AIFM3: variants seen among roughly 807,000 people sequenced by gnomAD.
AIFM3 encodes AIF family member 3, also known as apoptosis-inducing factor 3.
A neutral mutation model predicts 82.7 loss-of-function variants in AIFM3; 71 were observed. The observed-to-expected ratio is 0.86, with a 90% CI of 0.71 to 1.05. The LOEUF is 1.05. Among genes scored for constraint, AIFM3 ranks in the 50% least tolerant of loss-of-function variants. The probability of loss-of-function intolerance (pLI) is 0.00; values close to 1 mark genes in which losing one functional copy is unlikely to be tolerated. For missense variants in AIFM3, 748 were observed against 816.7 expected (o/e 0.92, Z 1.03); for synonymous variants, 337 against 329.1 (o/e 1.02, Z -0.26).
rs752414779 is a variant in AIFM3 at position 20,976,612 on chromosome 22, G to T, written c.1031-39G>T. ...TCCCAGGGAAGTTCTGGTCGAGGAA[G>T]GTGCAGGTGCCAGCCTGCCACCCCC... On this transcript the variant is annotated intron_variant, in intron 11 of 20. Transcript: ENST00000440238. 4 of 1,612,738 alleles carry T rather than the reference G, an allele frequency of 2.5e-6. No homozygotes were observed. The South Asian group carries it at 4.4e-5, about 18-fold the overall frequency.
chr22:20,975,231 T>G lies in AIFM3; in HGVS notation c.720+415T>G, dbSNP rs186928291. 5.4e-4 allele frequency among the ~76,000 whole-genome samples: 82 copies of G among 151,908 alleles called. No individual in the cohort carries two copies. In the East Asian group the frequency reaches 0.016, roughly 29 times the overall value. Reference sequence around the variant, plus strand: ...ATCCGCCCACCTCAGCCTCCCAAGGTGCTAGGATTACAGGTGTGAGCCACT... The same window carrying G: ...ATCCGCCCACCTCAGCCTCCCAAGGGGCTAGGATTACAGGTGTGAGCCACT... On this transcript the variant is annotated intron_variant, in intron 8 of 20. Coordinates refer to ENST00000440238, the MANE Select transcript of AIFM3 (RefSeq NM_001386814.1).
intron 15 of AIFM3, 45 bp downstream of exon 15, chr22:20,977,821 G>A: frequency 6.2e-7 from 1 of 1,614,032 alleles, no homozygotes; most frequent in Non-Finnish European, 8.5e-7. Flanking sequence ...TGCTGGGCTG[G>A]GAGTGGCAGG....
Position 20,973,925 on chromosome 22 carries a change from T to C in AIFM3, c.355+58T>C, listed in dbSNP as rs1051394043. On this transcript the variant is annotated intron_variant, in intron 4 of 20. Transcript: ENST00000440238. The stretch of plus-strand genomic sequence containing the variant: ...CTTCCAGGCCCCATGCCAGCTTGGC[T>C]CCTCCCCAGACCCCAGGATCTTCAT... 1.9e-5 allele frequency: 28 copies of C among 1,477,646 alleles called. No homozygotes were observed. In the Admixed American group the frequency reaches 6.3e-4, roughly 33 times the overall value. The allele number at this position is 1,477,646 out of a possible 1,614,324, so 91.5% of individuals were successfully genotyped here. A position where few individuals can be genotyped will look rare whatever the true frequency, so the allele number is the denominator to read the frequency against.
chr22:20,979,704 T>G lies in AIFM3; in HGVS notation c.1652+2T>G. ...GAAGTTTGTGGCTTTTTACACTAAG[T>G]GAGAGCACCGGGGTGCAGCTTGGCG... On this transcript the variant is annotated splice_donor_variant, in intron 18 of 20. Transcript: ENST00000440238. LOFTEE classifies it high-confidence loss of function. 1.2e-6 allele frequency: 2 copies of G among 1,614,090 alleles called. No individual in the cohort carries two copies. The highest frequency in any genetic ancestry group is 1.7e-6 in the Non-Finnish European group (2 of 1,179,992).
chr22:20,980,678 A>G, intron 19 of AIFM3, 69 bp from the exon 20 acceptor site: 1 of 1,605,480 alleles, frequency 6.2e-7, no homozygotes. Flanking sequence ...GAGGACCAGA[A>G]GGGGACATGA....
At chr22:20,969,137 G>T (rs1923108209) in intron 2 of AIFM3, among the ~76,000 whole-genome samples, 1 of 152,180 alleles carries the variant, frequency 6.6e-6, no homozygotes, top group African/African-American at 2.4e-5. Flanking sequence ...CTCATACCAG[G>T]CGTCTGTGGC....
intron 2 of AIFM3, among the ~76,000 whole-genome samples, chr22:20,971,703 C>T (rs1406701992): frequency 1.3e-5 from 2 of 152,226 alleles, no homozygotes; most frequent in Non-Finnish European, 2.9e-5. Context: ...GTACCTCCTG[C>T]TCCAGCATCG....
chr22:20,974,913 G>T, intron 8 of AIFM3, 97 bp downstream of exon 8: 1 of 1,201,934 alleles, frequency 8.3e-7, no homozygotes, highest in African/African-American at 1.5e-5. Flanking sequence ...CTGGCCGGCT[G>T]CCCTCCCTGC....
chr22:20,975,838 G>T, intron 9 of AIFM3, 60 bp downstream of exon 9: 1 of 1,577,236 alleles, frequency 6.3e-7, no homozygotes, highest in Non-Finnish European at 8.6e-7. Context: ...GTGAGGTTGT[G>T]TGGGCCCCTG....
At position 20,967,876 on chromosome 22, in the gene AIFM3, G is replaced by A. The variant is rs1392085133; in HGVS notation, c.-69G>A. Reference sequence around the variant, plus strand: ...CCTGCAGGGGGTCCAGCCCCATGGGGGGCGCCCTAGGCCTCCGACAGCTCC... The same window carrying A: ...CCTGCAGGGGGTCCAGCCCCATGGGAGGCGCCCTAGGCCTCCGACAGCTCC... On this transcript the variant is annotated 5_prime_UTR_variant, in exon 2 of 21. Coordinates refer to ENST00000440238, the MANE Select transcript of AIFM3 (RefSeq NM_001386814.1). The A allele has an allele frequency of 1.9e-6, 3 of 1,585,070 alleles. No homozygotes were observed. The highest frequency in any genetic ancestry group is 1.1e-5 in the South Asian group (1 of 90,602).
chr22:20,974,063 G>GCGTTCTGT lies in AIFM3; in HGVS notation c.358_365dup (p.Arg123PhefsTer37). Reference sequence around the variant, plus strand: ...GCAGCCTAACACCTCCCCTTCCCAGGCGTTCTGTCCCGTGGTCGGGTGCGC... The same window carrying GCGTTCTGT: ...GCAGCCTAACACCTCCCCTTCCCAGGCGTTCTGTCGTTCTGTCCCGTGGTCGGGTGCGC... On this transcript the variant is annotated frameshift_variant and splice_region_variant, in exon 5 of 21. Transcript: ENST00000440238. LOFTEE classifies it high-confidence loss of function. The GCGTTCTGT allele has an allele frequency of 1.2e-6, 2 of 1,605,482 alleles. No individual in the cohort carries two copies. The highest frequency in any genetic ancestry group is 1.7e-6 in the Non-Finnish European group (2 of 1,177,974).
intron 6 of AIFM3, 27 bp downstream of exon 6, chr22:20,974,323 A>C: frequency 6.2e-7 from 1 of 1,610,964 alleles, no homozygotes; most frequent in Non-Finnish European, 8.5e-7. Context: ...GGGCTCAGGC[A>C]GAAGGGAGGA....
chr22:20,970,750 C>A (rs1923218540), intron 2 of AIFM3, among the ~76,000 whole-genome samples: 1 of 152,212 alleles, frequency 6.6e-6, no homozygotes, highest in African/African-American at 2.4e-5. Context: ...CATGAGCCAT[C>A]ATTCCCGGCC....
intron 7 of AIFM3, 39 bp from the exon 8 acceptor site, chr22:20,974,665 G>A (rs1460798697): frequency 6.2e-7 from 1 of 1,613,476 alleles, no homozygotes; most frequent in Non-Finnish European, 8.5e-7. Context: ...GATGGGATTG[G>A]TGAGAAGTGG....
intron 2 of AIFM3, among the ~76,000 whole-genome samples, chr22:20,971,975 G>GC (rs1337345773): frequency 3.9e-5 from 6 of 152,224 alleles, no homozygotes; most frequent in African/African-American, 1.4e-4. Flanking sequence ...GTGGGGGGGG[G>GC]GGGCTGTGCC....
At chr22:20,979,508 C>G in intron 17 of AIFM3, 119 bp from the exon 18 acceptor site, 1 of 1,477,556 alleles carries the variant, frequency 6.8e-7, no homozygotes, top group African/African-American at 1.4e-5. Flanking sequence ...GGCGGCAAGG[C>G]TACGAACTAC....
rs1040800814 is a variant in AIFM3, at chr22:20,977,896, G to A, written c.1368G>A (p.Gln456=). 1.2e-6 allele frequency: 2 copies of A among 1,614,084 alleles called. No homozygotes were observed. The highest frequency in any genetic ancestry group is 1.3e-5 in the African/African-American group (1 of 74,920). Reference sequence around the variant, plus strand: ...GGGCCCTCTCTCTACAGATGATGCAGACCAATGTCCCAGGCGTGTTTGCAG... The same window carrying A: ...GGGCCCTCTCTCTACAGATGATGCAAACCAATGTCCCAGGCGTGTTTGCAG... ...RGFIPVNKMM[Q]TNVPGVFAAG... The change falls in exon 16 of 21, where the codon CAG becomes CAA. Residue 456 remains glutamine (Q), a synonymous_variant. Coordinates refer to ENST00000440238, the MANE Select transcript of AIFM3 (RefSeq NM_001386814.1).
chr22:20,969,372 C>T (rs1004544277), intron 2 of AIFM3, among the ~76,000 whole-genome samples: 1 of 152,178 alleles, frequency 6.6e-6, no homozygotes, highest in African/African-American at 2.4e-5. Context: ...CCTCTGCATC[C>T]TCATTGTAAA....
At chr22:20,974,443 G>A in intron 6 of AIFM3, 82 bp from the exon 7 acceptor site, 1 of 1,561,490 alleles carries the variant, frequency 6.4e-7, no homozygotes, top group Non-Finnish European at 8.7e-7. Flanking sequence ...GGATGAGGCT[G>A]GGCTGGAGCG....
Sources: allele counts gnomAD v4.1 joint callset (sites outside exome capture counted in the v4.1 genomes callset), GRCh38; gene constraint gnomAD v4.1.1; transcripts MANE v1.5; gene names NCBI Gene and HGNC (gene_info 2026-07-23, HGNC 2026-07-21).